The following SMURF2 variants were observed in gnomAD, a reference collection of about 807,000 sequenced individuals.
SMURF2 encodes SMAD specific E3 ubiquitin protein ligase 2, also known as E3 ubiquitin-protein ligase SMURF2.
Under a neutral mutation model 109.6 loss-of-function variants are expected in SMURF2, and 48 were observed. The observed-to-expected ratio is 0.44, with a 90% CI of 0.35 to 0.56. The LOEUF (loss-of-function observed/expected upper bound fraction) is 0.56, where lower values mean the gene tolerates loss of function less well. Ranked by LOEUF, SMURF2 falls within the 20% of genes least tolerant of loss-of-function variation. The pLI is 0.01. For missense variants in SMURF2, 575 were observed against 909.0 expected, an observed-to-expected ratio of 0.63 and a Z score of 4.72; for synonymous variants, 288 against 317.1, an observed-to-expected ratio of 0.91 and a Z score of 0.97.
chr17:64,546,092 G>T, intron 18 of SMURF2, 145 bp from the exon 19 acceptor site: 1 of 915,346 alleles, frequency 1.1e-6, no homozygotes, highest in Non-Finnish European at 1.7e-6. Flanking sequence ...CCACTTTTGG[G>T]TTTTCCTACC....
chr17:64,566,654 C>T (rs1477190675), intron 10 of SMURF2, among the ~76,000 whole-genome samples: 2 of 141,248 alleles, frequency 1.4e-5, no homozygotes, highest in Non-Finnish European at 3.0e-5. Context: ...TCACTGCAAC[C>T]TCCGCCTCCC....
chr17:64,551,645 T>C lies in SMURF2; in HGVS notation c.1808A>G (p.Lys603Arg). The change falls in exon 16 of 19, where the codon AAA becomes AGA. Residue 603 changes from lysine to arginine, a missense_variant. Physicochemically the swap from Lys to Arg is conservative, Grantham distance 26. Transcript: ENST00000262435. ...GIEAQFLALQ[K>R]GFNEVIPQHL... is the part of the protein sequence containing the mutation. ...TTGTGGAATTACTTCATTAAATCCT[T>C]TCTGCAGAGCCAAGAATTGAGCCTC... 1 of 1,614,116 alleles carries C rather than the reference T, an allele frequency of 6.2e-7. No homozygotes were observed. The highest frequency in any genetic ancestry group is 8.5e-7 in the Non-Finnish European group (1 of 1,179,982).
intron 10 of SMURF2, among the ~76,000 whole-genome samples, chr17:64,570,203 A>T (rs1372801853): frequency 2.0e-5 from 3 of 152,238 alleles, no homozygotes; most frequent in African/African-American, 7.2e-5. Flanking sequence ...TGAAACAAGG[A>T]CATTTTCAGA....
chr17:64,639,760 A>C (rs1186867027), intron 1 of SMURF2, among the ~76,000 whole-genome samples: 1 of 152,282 alleles, frequency 6.6e-6, no homozygotes, highest in East Asian at 1.9e-4. Flanking sequence ...TATAAACTCT[A>C]AGACTTCTTT....
At chr17:64,599,874 T>C (rs187289989) in intron 2 of SMURF2, among the ~76,000 whole-genome samples, 1 of 152,090 alleles carries the variant, frequency 6.6e-6, no homozygotes, top group East Asian at 1.9e-4. Context: ...CCAAGGAGGG[T>C]ATGACAATAC....
chr17:64,635,478 T>C (rs1970404391), intron 1 of SMURF2, among the ~76,000 whole-genome samples: 1 of 151,900 alleles, frequency 6.6e-6, no homozygotes, highest in South Asian at 2.1e-4. Context: ...ACAACCCCCA[T>C]ACTACCTGTT....
chr17:64,630,428 A>G (rs1282493849), intron 1 of SMURF2, among the ~76,000 whole-genome samples: 1 of 152,156 alleles, frequency 6.6e-6, no homozygotes, highest in Non-Finnish European at 1.5e-5. Flanking sequence ...AATGCCACAA[A>G]AGAAAAAGAA....
At chr17:64,641,307 T>C (rs1266325832) in intron 1 of SMURF2, among the ~76,000 whole-genome samples, 4 of 152,146 alleles carry the variant, frequency 2.6e-5, no homozygotes, top group Non-Finnish European at 5.9e-5. Context: ...GCTGAAAATT[T>C]TTATCTATTA....
At chr17:64,661,684 T>G in intron 1 of SMURF2, 145 bp downstream of exon 1, 2 of 459,136 alleles carry the variant, frequency 4.4e-6, no homozygotes, top group Non-Finnish European at 6.5e-6. Flanking sequence ...GGTTTTCCAA[T>G]TACTCTCCCT....
chr17:64,648,349 A>G (rs981897343), intron 1 of SMURF2, among the ~76,000 whole-genome samples: 10 of 152,186 alleles, frequency 6.6e-5, no homozygotes, highest in African/African-American at 1.2e-4. Context: ...CTTCAGTCCT[A>G]TATCTTTATA....
intron 13 of SMURF2, among the ~76,000 whole-genome samples, chr17:64,557,214 A>C (rs1202113302): frequency 6.6e-6 from 1 of 152,196 alleles, no homozygotes; most frequent in Non-Finnish European, 1.5e-5. Flanking sequence ...ATTTATTAGC[A>C]ATGACAAAAC....
At position 64,580,957 on chromosome 17, in the gene SMURF2, G is replaced by C. The variant is rs782380221; in HGVS notation, c.604C>G (p.Leu202Val). The change falls in exon 8 of 19, where the codon CTT becomes GTT. Residue 202 changes from leucine to valine, a missense_variant. This residue lies in a region of SMURF2 where 151 missense variants were observed against 178.4 expected (regional missense o/e 0.85). Coordinates refer to ENST00000262435, the MANE Select transcript of SMURF2 (RefSeq NM_022739.4). ...GTGTTCTCATCAACAAAGCAGCTAA[G>C]AGGTCTGCCAGGGCTAGAATATTCG... ...ASEYSSPGRP[L>V]SCFVDENTPI... is the part of the protein sequence containing the mutation. 10 of 1,614,146 alleles carry C rather than the reference G, an allele frequency of 6.2e-6. No homozygotes were observed. The highest frequency in any genetic ancestry group is 8.5e-6 in the Non-Finnish European group (10 of 1,180,024).
intron 3 of SMURF2, among the ~76,000 whole-genome samples, chr17:64,597,060 A>C (rs1969827997): frequency 6.6e-6 from 1 of 152,208 alleles, no homozygotes; most frequent in African/African-American, 2.4e-5. Context: ...AGACTAAAGA[A>C]AGGAAGAGGC....
intron 1 of SMURF2, 95 bp downstream of exon 1, chr17:64,661,734 T>C (rs1484495367): frequency 2.0e-5 from 18 of 910,166 alleles, no homozygotes; most frequent in East Asian, 1.2e-4. Context: ...CAACTCATCA[T>C]TGATCGCGAC....
chr17:64,553,013 A>AT lies in SMURF2; in HGVS notation c.1749-1310dup, dbSNP rs199800524. On this transcript the variant is annotated intron_variant, in intron 15 of 18. Transcript: ENST00000262435. Reference sequence around the variant, plus strand: ...GCCACTGCACCCAGCCTGTTCTTTCATTTTTTTTAAGTAGAAACGTAATAC... The same window carrying AT: ...GCCACTGCACCCAGCCTGTTCTTTCATTTTTTTTTAAGTAGAAACGTAATAC... Among the ~76,000 whole-genome samples the AT allele has an allele frequency of 1.1e-3, 164 of 152,038 alleles. 1 individual carries two copies. Among genetic ancestry groups the AT allele is most frequent in the East Asian group, 2.5e-3 (13 of 5,180 alleles).
intron 11 of SMURF2, among the ~76,000 whole-genome samples, chr17:64,562,442 C>T (rs1450726696): frequency 2.0e-5 from 3 of 147,530 alleles, no homozygotes; most frequent in African/African-American, 7.5e-5. Flanking sequence ...TACAATGGTA[C>T]AATCTCGGCT....
At position 64,566,508 on chromosome 17, in the gene SMURF2, A is replaced by AAAAAC. The variant is rs782783715; in HGVS notation, c.1017-3547_1017-3543dup. ...TGTGAAATCCTGTCCTTAAGAAGAAAAAAACAAAACAAAACAAAACAAAAA... is the reference window on the plus strand; with the variant it reads ...TGTGAAATCCTGTCCTTAAGAAGAAAAAAACAAAACAAAACAAAACAAAACAAAAA... On this transcript the variant is annotated intron_variant, in intron 10 of 18. Coordinates refer to ENST00000262435, the MANE Select transcript of SMURF2 (RefSeq NM_022739.4). Among the ~76,000 whole-genome samples, 14 of 151,122 alleles carry AAAAAC rather than the reference A, an allele frequency of 9.3e-5. No individual in the cohort carries two copies. In the East Asian group the frequency reaches 1.5e-3, roughly 17 times the overall value.
rs369022089 is a variant in SMURF2, at chr17:64,547,776, A to C, written c.1895T>G (p.Ile632Arg). ...LELIICGLGK[I>R]DVNDWKVNTR... Reference sequence around the variant, plus strand: ...GTTTACCTTCCAGTCATTAACATCTATCTTTCCAAGTCCACAAATAATGAG... The same window carrying C: ...GTTTACCTTCCAGTCATTAACATCTCTCTTTCCAAGTCCACAAATAATGAG... The change falls in exon 17 of 19, where the codon ATA (isoleucine) becomes AGA (arginine). Residue 632 changes from isoleucine (I) to arginine (R), a missense_variant. This residue lies in a region of SMURF2 where 361 missense variants were observed against 612.1 expected (regional missense o/e 0.59). Coordinates refer to ENST00000262435, the MANE Select transcript of SMURF2 (RefSeq NM_022739.4). The surrounding 1 kb of genome is among the most constrained non-coding windows in gnomAD (Gnocchi z 4.2). 1 of 1,614,124 alleles carries C rather than the reference A, an allele frequency of 6.2e-7. No homozygotes were observed. Among genetic ancestry groups the C allele is most frequent in the African/African-American group, 1.3e-5 (1 of 74,942 alleles).
chr17:64,566,129 TA>T (rs1343503460), intron 10 of SMURF2, among the ~76,000 whole-genome samples: 41 of 149,796 alleles, frequency 2.7e-4, no homozygotes, highest in African/African-American at 9.7e-4. Flanking sequence ...TAAAAATCTT[TA>T]AAAAATAGAA....
Sources: gnomAD v4.1 joint callset for allele counts (sites outside exome capture counted in the v4.1 genomes callset) on GRCh38, gnomAD v4.1.1 for gene constraint, gnomAD v4.1.1 regional missense constraint, Gnocchi (gnomAD v3.1) non-coding constraint, MANE v1.5 for transcripts, NCBI Gene and HGNC (gene_info 2026-07-23, HGNC 2026-07-21) for gene names.